NBEAL1: variants seen among roughly 807,000 people sequenced by gnomAD.
NBEAL1 encodes the protein neurobeachin like 1.
NBEAL1 carries 273 observed loss-of-function variants against 351.3 expected under a neutral mutation model. That is an observed-to-expected ratio of 0.78 (90% CI 0.70 to 0.86). The LOEUF is 0.86. NBEAL1 is among the 40% of genes least tolerant of loss of function. The pLI is 0.00. For missense variants in NBEAL1, 2,961 were observed against 3,201.3 expected (o/e 0.92, Z 1.81); for synonymous variants, 1,050 against 1,086.4 (o/e 0.97, Z 0.66).
chr2:203,092,136 G>A (rs958195745), intron 10 of NBEAL1, among the ~76,000 whole-genome samples: 1 of 152,126 alleles, frequency 6.6e-6, no homozygotes, highest in Admixed American at 6.5e-5. Flanking sequence ...GTAAAAACAA[G>A]TTGTAACTCA....
intron 10 of NBEAL1, chr2:203,086,221 A>G (rs998427844): frequency 1.3e-5 from 2 of 152,218 alleles, no homozygotes; most frequent in Non-Finnish European, 2.9e-5. Context: ...TGAAATGTCA[A>G]CACACTCATC....
intron 2 of NBEAL1, among the ~76,000 whole-genome samples, chr2:203,032,328 A>T (rs1367270895): frequency 1.3e-5 from 2 of 152,176 alleles, no homozygotes; most frequent in Non-Finnish European, 2.9e-5. Flanking sequence ...GTAATTTGTT[A>T]TGCAGGAATA....
rs1371819736 is a variant in NBEAL1, at chr2:203,151,545, A to T, written c.5543A>T (p.Asn1848Ile). Reference sequence around the variant, plus strand: ...AGACTTAAGCTGGTACCGAATTATAATTTCAAAACCCATGAGGAAGCTAGT... The same window carrying T: ...AGACTTAAGCTGGTACCGAATTATATTTTCAAAACCCATGAGGAAGCTAGT... ...RMRLKLVPNY[N>I]FKTHEEASAL... Residue 1848 changes from asparagine (N) to isoleucine (I), a missense_variant, in exon 35 of 56, where the codon AAT becomes ATT. Coordinates refer to ENST00000683969, the MANE Select transcript of NBEAL1 (RefSeq NM_001378026.1). 6.2e-7 allele frequency: 1 copy of T among 1,610,956 alleles called. No homozygotes were observed. Among genetic ancestry groups the T allele is most frequent in the Non-Finnish European group, 8.5e-7 (1 of 1,178,760 alleles).
intron 46 of NBEAL1, 120 bp from the exon 47 acceptor site, chr2:203,193,675 A>T: frequency 1.7e-6 from 1 of 596,000 alleles, no homozygotes; most frequent in Non-Finnish European, 2.9e-6. Flanking sequence ...CAACACCTAT[A>T]ATTGTCAACA....
At chr2:203,042,692 A>G (rs553129196) in intron 3 of NBEAL1, among the ~76,000 whole-genome samples, 2 of 151,966 alleles carry the variant, frequency 1.3e-5, no homozygotes, top group East Asian at 1.9e-4. Context: ...GGTTCAAGCA[A>G]TTCTCCTGCC....
chr2:203,025,948 T>G (rs1035194850), intron 2 of NBEAL1, among the ~76,000 whole-genome samples: 1 of 152,310 alleles, frequency 6.6e-6, no homozygotes, highest in East Asian at 1.9e-4. Context: ...TACACTTTGT[T>G]GTGACTGAGC....
intron 10 of NBEAL1, among the ~76,000 whole-genome samples, chr2:203,093,581 T>TG (rs1164095849): frequency 3.3e-5 from 5 of 152,176 alleles, no homozygotes; most frequent in African/African-American, 1.2e-4. Context: ...CTGGGCATGG[T>TG]GGTGGCTCAT....
In NBEAL1 at chr2:203,016,332, T is replaced by A; in HGVS notation, c.-53T>A. On this transcript the variant is annotated 5_prime_UTR_variant, in exon 2 of 56. Transcript: ENST00000683969. ...GGAAAATAAAATGGACATGCTGTAGTCTTGAACATAATTTTTTTAAGGAAA... is the reference window on the plus strand; with the variant it reads ...GGAAAATAAAATGGACATGCTGTAGACTTGAACATAATTTTTTTAAGGAAA... The A allele has an allele frequency of 7.8e-7, 1 of 1,285,574 alleles. No homozygotes were observed. Among genetic ancestry groups the A allele is most frequent in the Non-Finnish European group, 1.1e-6 (1 of 937,172 alleles). 79.6% of individuals were successfully genotyped at this position (1,285,574 alleles called of 1,614,324 possible). A position where few individuals can be genotyped will look rare whatever the true frequency, so the allele number is the denominator to read the frequency against.
At position 203,155,688 on chromosome 2, in the gene NBEAL1, TC is replaced by T. The variant is rs775896170; in HGVS notation, c.5588-2009del. Among the ~76,000 whole-genome samples, 71 of 152,298 alleles carry T rather than the reference TC, an allele frequency of 4.7e-4. 1 individual carries two copies. In the East Asian group the frequency reaches 5.2e-3, roughly 11 times the overall value. Reference sequence around the variant, plus strand: ...GTCTTGAATTTCTGGGCTCAAGTGATCCTTCCACCTCAGCCTCCCAGAGTGC... The same window carrying T: ...GTCTTGAATTTCTGGGCTCAAGTGATCTTCCACCTCAGCCTCCCAGAGTGC... On this transcript the variant is annotated intron_variant, in intron 35 of 55. Transcript: ENST00000683969.
At chr2:203,048,667 T>A (rs2061271332) in intron 3 of NBEAL1, among the ~76,000 whole-genome samples, 1 of 152,196 alleles carries the variant, frequency 6.6e-6, no homozygotes, top group East Asian at 1.9e-4. Context: ...AGCTCTATGT[T>A]ACAGAGGTGA....
intron 36 of NBEAL1, among the ~76,000 whole-genome samples, chr2:203,161,308 T>C (rs2882771): frequency 0.91 from 125,582 of 137,718 alleles, 57,532 homozygotes; most frequent in Non-Finnish European, 0.96. Flanking sequence ...GCCTGGGCAA[T>C]GGAGCTAGAC....
At chr2:203,132,750 T>G (rs1388308141) in intron 26 of NBEAL1, among the ~76,000 whole-genome samples, 1 of 152,136 alleles carries the variant, frequency 6.6e-6, no homozygotes, top group Non-Finnish European at 1.5e-5. Context: ...TTTGGGGATA[T>G]AAGATTCTTT....
intron 31 of NBEAL1, among the ~76,000 whole-genome samples, chr2:203,141,975 C>G (rs2063393595): frequency 6.6e-6 from 1 of 152,116 alleles, no homozygotes; most frequent in South Asian, 2.1e-4. Context: ...GTTGTTGATT[C>G]ATTTAGTTGT....
intron 3 of NBEAL1, among the ~76,000 whole-genome samples, chr2:203,042,965 C>T (rs2061168272): frequency 6.6e-6 from 1 of 152,120 alleles, no homozygotes; most frequent in African/African-American, 2.4e-5. Flanking sequence ...TGCATAGACT[C>T]AGGTGTAATC....
intron 44 of NBEAL1, among the ~76,000 whole-genome samples, chr2:203,188,095 T>TA (rs1371183814): frequency 6.6e-6 from 1 of 151,646 alleles, no homozygotes; most frequent in African/African-American, 2.4e-5. Context: ...TAAATTGATA[T>TA]TTTTTTTTCT....
In NBEAL1 at chr2:203,127,870, A is replaced by G. The variant is rs1305798705; in HGVS notation, c.3338A>G (p.Lys1113Arg). The change falls in exon 24 of 56, where the codon AAA (lysine) becomes AGA (arginine). Residue 1113 changes from lysine (K) to arginine (R), a missense_variant. By Grantham distance (26) the Lys-to-Arg change is conservative. Coordinates refer to ENST00000683969, the MANE Select transcript of NBEAL1 (RefSeq NM_001378026.1). ...GGACTAATTAAATATTTTCTGTGCA[A>G]AGGTGGATCTCATGAAGAGATACAA... is the stretch of plus-strand genomic sequence containing the variant. ...LYGLIKYFLC[K>R]GGSHEEIQSI... 8.4e-6 allele frequency: 13 copies of G among 1,552,292 alleles called. No homozygotes were observed. Among genetic ancestry groups the G allele is most frequent in the Non-Finnish European group, 1.0e-5 (12 of 1,145,642 alleles).
At position 203,109,357 on chromosome 2, in the gene NBEAL1, C is replaced by CA. The variant is rs544467120; in HGVS notation, c.1950-785dup. ...CTGGGCAATAGAGTAGATTCTGCTT[C>CA]AAAAAAAAGGAAAAACAAATGAGTA... On this transcript the variant is annotated intron_variant, in intron 14 of 55. Transcript: ENST00000683969. 1.9e-3 allele frequency among the ~76,000 whole-genome samples: 279 copies of CA among 150,520 alleles called. 1 individual carries two copies. The highest frequency in any genetic ancestry group is 6.4e-3 in the African/African-American group (263 of 41,090).
intron 38 of NBEAL1, 46 bp downstream of exon 38, chr2:203,167,406 A>G (rs760256548): frequency 2.1e-5 from 33 of 1,539,104 alleles, no homozygotes; most frequent in Non-Finnish European, 2.5e-5. Context: ...AGCTTTAAAT[A>G]CGTTTCCAGC....
chr2:203,029,761 G>A (rs1281625019), intron 2 of NBEAL1, among the ~76,000 whole-genome samples: 1 of 151,826 alleles, frequency 6.6e-6, no homozygotes, highest in Non-Finnish European at 1.5e-5. Flanking sequence ...CTAGGAATTG[G>A]TGTATTCTAA....
Sources: allele counts gnomAD v4.1 joint callset (sites outside exome capture counted in the v4.1 genomes callset), GRCh38; gene constraint gnomAD v4.1.1; transcripts MANE v1.5; gene names NCBI Gene and HGNC (gene_info 2026-07-23, HGNC 2026-07-21).